The following DDX10 variants were observed in gnomAD, a reference collection of about 807,000 sequenced individuals.
DDX10 encodes probable ATP-dependent RNA helicase DDX10.
In DDX10, 74 loss-of-function variants were observed where a neutral mutation model predicts 104.3. The ratio of observed to expected loss-of-function variants is 0.71; its 90% CI spans 0.59 to 0.86. The LOEUF is 0.86. Among genes scored for constraint, DDX10 ranks in the 40% least tolerant of loss-of-function variants. The pLI is 0.00. For synonymous variants in DDX10, 351 were observed against 353.4 expected (o/e 0.99, Z 0.08); for missense variants, 952 against 1,040.0 (o/e 0.92, Z 1.16).
chr11:108,764,678 AAAC>A (rs1166874643), intron 13 of DDX10, among the ~76,000 whole-genome samples: 1 of 152,200 alleles, frequency 6.6e-6, no homozygotes, highest in Admixed American at 6.5e-5. Flanking sequence ...AGGAAAAACA[AAAC>A]AAAAATGAAC....
chr11:108,929,436 T>G (rs947358981), intron 17 of DDX10: 1 of 152,246 alleles, frequency 6.6e-6, no homozygotes, highest in African/African-American at 2.4e-5. Context: ...ATTATTTAAA[T>G]ATTTACCCTA....
intron 15 of DDX10, among the ~76,000 whole-genome samples, chr11:108,850,047 A>G (rs536896159): frequency 5.3e-4 from 81 of 152,252 alleles, no homozygotes; most frequent in African/African-American, 1.8e-3. Flanking sequence ...TTCAGATAAG[A>G]AAGAAACGTT....
chr11:108,910,285 G>A lies in DDX10; in HGVS notation c.2305-7588G>A, dbSNP rs78077516. On this transcript the variant is annotated intron_variant, in intron 16 of 17. Coordinates refer to ENST00000322536, the MANE Select transcript of DDX10 (RefSeq NM_004398.4). ...ATGTAGGAGAAAACCCCTTGTGTAT[G>A]TCCAGGTTTGTATGACCTTGGTAAG... 9.9e-3 allele frequency among the ~76,000 whole-genome samples: 1,500 copies of A among 152,270 alleles called. 27 individuals carry two copies. The highest frequency in any genetic ancestry group is 0.032 in the African/African-American group (1,332 of 41,546).
chr11:108,722,969 A>G, intron 12 of DDX10, 28 bp from the exon 13 acceptor site: 1 of 1,568,174 alleles, frequency 6.4e-7, no homozygotes, highest in African/African-American at 1.4e-5. Context: ...TGTTGAGATG[A>G]CTGTTTTCAC....
intron 1 of DDX10, among the ~76,000 whole-genome samples, chr11:108,666,975 C>A (rs2094210951): frequency 6.6e-6 from 1 of 152,206 alleles, no homozygotes. Context: ...CTACTTCTCT[C>A]TTACCTACTC....
intron 16 of DDX10, among the ~76,000 whole-genome samples, chr11:108,879,559 A>G (rs993242720): frequency 2.0e-5 from 3 of 152,208 alleles, no homozygotes; most frequent in Admixed American, 6.5e-5. Flanking sequence ...TTAGTAACAC[A>G]TGGTTATGGT....
intron 16 of DDX10, among the ~76,000 whole-genome samples, chr11:108,903,790 T>G (rs982506226): frequency 3.3e-5 from 5 of 152,158 alleles, no homozygotes; most frequent in Non-Finnish European, 1.5e-5. Context: ...TTCCATCGTA[T>G]GGGTAGCCCA....
At position 108,870,863 on chromosome 11, in the gene DDX10, C is replaced by T. The variant is rs145285469; in HGVS notation, c.2304+18654C>T. Among the ~76,000 whole-genome samples the T allele has an allele frequency of 6.8e-3, 1,037 of 152,280 alleles. 11 individuals carry two copies. The highest frequency in any genetic ancestry group is 0.023 in the African/African-American group (960 of 41,534). On this transcript the variant is annotated intron_variant, in intron 16 of 17. Transcript: ENST00000322536. Reference sequence around the variant, plus strand: ...GACCGATACGAACAAACAGTAGGTACTGAGTATTTATCGAGTGAAAGAAGC... The same window carrying T: ...GACCGATACGAACAAACAGTAGGTATTGAGTATTTATCGAGTGAAAGAAGC...
chr11:108,779,096 A>C (rs2094374320), intron 13 of DDX10, among the ~76,000 whole-genome samples: 1 of 152,220 alleles, frequency 6.6e-6, no homozygotes, highest in Non-Finnish European at 1.5e-5. Context: ...GTGGGACTGT[A>C]AACTAGTTCA....
At chr11:108,687,891 A>G (rs530398686) in intron 6 of DDX10, among the ~76,000 whole-genome samples, 29 of 151,924 alleles carry the variant, frequency 1.9e-4, no homozygotes, top group African/African-American at 7.0e-4. Context: ...TTTTTCTTTC[A>G]CTGTAAACAC....
At chr11:108,838,723 A>G (rs908100511) in intron 14 of DDX10, among the ~76,000 whole-genome samples, 158 bp downstream of exon 14, 1 of 152,194 alleles carries the variant, frequency 6.6e-6, no homozygotes, top group African/African-American at 2.4e-5. Context: ...CATCAGCTCT[A>G]CTGCTGTGAA....
intron 13 of DDX10, among the ~76,000 whole-genome samples, chr11:108,827,327 A>G (rs1474245872): frequency 6.6e-6 from 1 of 152,242 alleles, no homozygotes; most frequent in African/African-American, 2.4e-5. Flanking sequence ...AGTGATTACA[A>G]TAGGGCTTAC....
chr11:108,896,404 T>C (rs1418283237), intron 16 of DDX10, among the ~76,000 whole-genome samples: 1 of 151,958 alleles, frequency 6.6e-6, no homozygotes, highest in Non-Finnish European at 1.5e-5. Flanking sequence ...CTCTCTAGGC[T>C]TATTGTGGAA....
chr11:108,688,810 G>C, intron 6 of DDX10, 126 bp from the exon 7 acceptor site: 1 of 932,752 alleles, frequency 1.1e-6, no homozygotes, highest in South Asian at 1.9e-5. Flanking sequence ...TTCTTTTTTT[G>C]GTGTATGTGT....
At chr11:108,935,235 TAGAAAAC>T (rs1389335882) in intron 17 of DDX10, among the ~76,000 whole-genome samples, 2 of 151,954 alleles carry the variant, frequency 1.3e-5, no homozygotes, top group East Asian at 1.9e-4. Context: ...TTTAGATAGT[TAGAAAAC>T]AGAAAAGGGA....
At chr11:108,844,642 A>C (rs1282122346) in intron 15 of DDX10, among the ~76,000 whole-genome samples, 1 of 152,162 alleles carries the variant, frequency 6.6e-6, no homozygotes, top group Non-Finnish European at 1.5e-5. Flanking sequence ...GTGTGGAATT[A>C]GTAGGTTGGT....
At chr11:108,937,467 A>C (rs562714525) in intron 17 of DDX10, among the ~76,000 whole-genome samples, 1 of 152,346 alleles carries the variant, frequency 6.6e-6, no homozygotes, top group African/African-American at 2.4e-5. Context: ...ACTCAATTAC[A>C]AATAAAAATT....
At chr11:108,688,001 T>G (rs537046935) in intron 6 of DDX10, among the ~76,000 whole-genome samples, 2 of 152,324 alleles carry the variant, frequency 1.3e-5, no homozygotes, top group African/African-American at 4.8e-5. Flanking sequence ...CCTCTTTCCT[T>G]AACAGTGTGT....
At chr11:108,886,240 G>A (rs1197799331) in intron 16 of DDX10, among the ~76,000 whole-genome samples, 15 of 152,124 alleles carry the variant, frequency 9.9e-5, no homozygotes, top group Non-Finnish European at 1.5e-5. Flanking sequence ...TTTGCCAGGC[G>A]CTGTGAAAGA....
Sources: gnomAD v4.1 joint callset for allele counts (sites outside exome capture counted in the v4.1 genomes callset) on GRCh38, gnomAD v4.1.1 for gene constraint, MANE v1.5 for transcripts, NCBI Gene and HGNC (gene_info 2026-07-23, HGNC 2026-07-21) for gene names.